Variants in STIM2 observed in about 807,000 individuals in gnomAD.
STIM2 encodes stromal interaction molecule 2.
Under a neutral mutation model 85.8 loss-of-function variants are expected in STIM2, and 31 were observed. The observed-to-expected ratio is 0.36, with a 90% CI of 0.27 to 0.49. STIM2 has a LOEUF of 0.49. Ranked by LOEUF, STIM2 falls within the 20% of genes least tolerant of loss-of-function variation. The pLI is 0.98. For synonymous variants in STIM2, 356 were observed against 331.1 expected (o/e 1.08, Z -0.82); for missense variants, 841 against 927.6 (o/e 0.91, Z 1.21).
Position 26,957,818 on chromosome 4 carries a change from A to G in STIM2, c.397+92A>G, listed in dbSNP as rs191460059. ...CTCACTTATAGTATGCTTTTACCAA[A>G]AAAATCAAAATAACATTTCTGTGAG... On this transcript the variant is annotated intron_variant, in intron 3 of 11. Coordinates refer to ENST00000467087, the MANE Select transcript of STIM2 (RefSeq NM_020860.4). 789 of 724,926 alleles carry G rather than the reference A, an allele frequency of 1.1e-3. 3 individuals carry two copies. The African/African-American group carries it at 0.012, about 11-fold the overall frequency. 44.9% of individuals were successfully genotyped at this position (724,926 alleles called of 1,614,324 possible). A position where few individuals can be genotyped will look rare whatever the true frequency, so the allele number is the denominator to read the frequency against.
chr4:26,888,903 C>T (rs1723359319), intron 1 of STIM2, among the ~76,000 whole-genome samples: 1 of 152,312 alleles, frequency 6.6e-6, no homozygotes, highest in South Asian at 2.1e-4. Flanking sequence ...ACCAGCAACC[C>T]TGGTCAGTAC....
intron 2 of STIM2, among the ~76,000 whole-genome samples, chr4:26,946,122 A>G (rs1194791473): frequency 6.6e-6 from 1 of 152,220 alleles, no homozygotes; most frequent in African/African-American, 2.4e-5. Flanking sequence ...GTTGAACCAT[A>G]GGCAAACATT....
At chr4:26,988,594 A>G (rs1560231376) in intron 3 of STIM2, among the ~76,000 whole-genome samples, 1 of 152,112 alleles carries the variant, frequency 6.6e-6, no homozygotes, top group Non-Finnish European at 1.5e-5. Flanking sequence ...AACTCTAGAA[A>G]CAGGTTTGGT....
chr4:26,940,121 G>A (rs947467557), intron 2 of STIM2, among the ~76,000 whole-genome samples: 1 of 152,142 alleles, frequency 6.6e-6, no homozygotes, highest in Non-Finnish European at 1.5e-5. Flanking sequence ...AAGTACTAAA[G>A]CAAGCCCCTT....
intron 1 of STIM2, among the ~76,000 whole-genome samples, chr4:26,878,465 A>C (rs911600716): frequency 6.6e-6 from 1 of 152,058 alleles, no homozygotes; most frequent in Non-Finnish European, 1.5e-5. Flanking sequence ...TTTTACTTCT[A>C]TCTCTCCCCT....
chr4:26,970,592 A>G (rs1577470647), intron 3 of STIM2, among the ~76,000 whole-genome samples: 2 of 152,068 alleles, frequency 1.3e-5, no homozygotes, highest in African/African-American at 4.8e-5. Context: ...TTTTATGGCT[A>G]CATAGTATTC....
rs973505805 is a variant in STIM2 at position 26,882,960 on chromosome 4, C to T, written c.151+21591C>T. 4.6e-5 allele frequency among the ~76,000 whole-genome samples: 7 copies of T among 152,014 alleles called. 1 individual carries two copies. The South Asian group carries it at 1.5e-3, about 32-fold the overall frequency. On this transcript the variant is annotated intron_variant, in intron 1 of 11. Transcript: ENST00000467087. ...TCAAGTGATTCTCATGCCTCAGCCTCCCGAGTAGCTGGGACTACAGGCATG... is the reference window on the plus strand; with the variant it reads ...TCAAGTGATTCTCATGCCTCAGCCTTCCGAGTAGCTGGGACTACAGGCATG...
chr4:27,012,850 GT>G (rs956543374), intron 10 of STIM2, among the ~76,000 whole-genome samples: 2 of 151,512 alleles, frequency 1.3e-5, no homozygotes, highest in Admixed American at 6.6e-5. Flanking sequence ...GCTAAGAATG[GT>G]TTTTTTTGGT....
intron 3 of STIM2, among the ~76,000 whole-genome samples, chr4:26,974,484 C>G (rs1385671396): frequency 2.0e-5 from 3 of 152,140 alleles, no homozygotes; most frequent in Non-Finnish European, 4.4e-5. Flanking sequence ...TTTTATTTCT[C>G]CTTCAGTTAT....
At chr4:26,981,557 G>A (rs1727395659) in intron 3 of STIM2, among the ~76,000 whole-genome samples, 1 of 152,064 alleles carries the variant, frequency 6.6e-6, no homozygotes, top group Non-Finnish European at 1.5e-5. Context: ...GATACCCTCC[G>A]CTCCCCTTCC....
intron 6 of STIM2, among the ~76,000 whole-genome samples, chr4:27,002,670 A>G (rs1169844326): frequency 6.6e-6 from 1 of 152,216 alleles, no homozygotes; most frequent in Non-Finnish European, 1.5e-5. Flanking sequence ...CTTGATTTAA[A>G]TAATTAGGAA....
Position 26,955,375 on chromosome 4 carries a change from C to T in STIM2, c.283-2237C>T, listed in dbSNP as rs532089131. ...AGGACATTGTCTTTAATATATATTA[C>T]GTAAATGAAACAGTTGCCATTTGTT... is the stretch of plus-strand genomic sequence containing the variant. On this transcript the variant is annotated intron_variant, in intron 2 of 11. Coordinates refer to ENST00000467087, the MANE Select transcript of STIM2 (RefSeq NM_020860.4). 1.1e-4 allele frequency among the ~76,000 whole-genome samples: 16 copies of T among 147,918 alleles called. 1 individual carries two copies. Among genetic ancestry groups the T allele is most frequent in the South Asian group, 6.4e-4 (3 of 4,656 alleles).
intron 2 of STIM2, among the ~76,000 whole-genome samples, chr4:26,941,668 A>G (rs1725616365): frequency 6.6e-6 from 1 of 152,146 alleles, no homozygotes; most frequent in Non-Finnish European, 1.5e-5. Context: ...CTATGTAGCA[A>G]ATTAATGGGA....
chr4:26,965,387 C>G (rs1226859936), intron 3 of STIM2, among the ~76,000 whole-genome samples: 1 of 152,116 alleles, frequency 6.6e-6, no homozygotes, highest in Admixed American at 6.6e-5. Flanking sequence ...ACAAATTTGG[C>G]AAACATTGTT....
intron 1 of STIM2, among the ~76,000 whole-genome samples, chr4:26,903,770 A>G (rs915700680): frequency 2.0e-4 from 30 of 152,140 alleles, no homozygotes; most frequent in Non-Finnish European, 5.9e-5. Flanking sequence ...TCCTGTAATG[A>G]TAATAGATGA....
chr4:26,965,831 C>T (rs1726696599), intron 3 of STIM2, among the ~76,000 whole-genome samples: 1 of 152,078 alleles, frequency 6.6e-6, no homozygotes, highest in African/African-American at 2.4e-5. Context: ...TAGAGACCCC[C>T]TCTCAGAAGA....
intron 1 of STIM2, among the ~76,000 whole-genome samples, chr4:26,862,235 G>T (rs1369572699): frequency 6.6e-6 from 1 of 151,758 alleles, no homozygotes; most frequent in Non-Finnish European, 1.5e-5. Context: ...ATGTACAACT[G>T]ATCAGTTGTG....
intron 2 of STIM2, among the ~76,000 whole-genome samples, chr4:26,929,629 A>AT (rs1320578161): frequency 4.6e-5 from 7 of 151,148 alleles, no homozygotes; most frequent in Middle Eastern, 3.4e-3. Context: ...TTAAAAACTT[A>AT]TTTTTTTTTC....
At chr4:26,994,544 C>T (rs1412270944) in intron 3 of STIM2, among the ~76,000 whole-genome samples, 1 of 151,960 alleles carries the variant, frequency 6.6e-6, no homozygotes, top group East Asian at 1.9e-4. Flanking sequence ...TAAGACTGGA[C>T]CATTTTTAGT....
Sources: gnomAD v4.1 joint callset for allele counts (sites outside exome capture counted in the v4.1 genomes callset) on GRCh38, gnomAD v4.1.1 for gene constraint, MANE v1.5 for transcripts, NCBI Gene and HGNC (gene_info 2026-07-23, HGNC 2026-07-21) for gene names.